The following ESRRG variants were observed in gnomAD, a reference collection of about 807,000 sequenced individuals.
ESRRG encodes the protein estrogen-related receptor gamma.
In ESRRG, 13 loss-of-function variants were observed where a neutral mutation model predicts 44.0. The ratio of observed to expected loss-of-function variants is 0.30; its 90% CI spans 0.19 to 0.47. The LOEUF (loss-of-function observed/expected upper bound fraction) is 0.47, where lower values mean the gene tolerates loss of function less well. Ranked by LOEUF, ESRRG falls within the 20% of genes least tolerant of loss-of-function variation. The pLI is 1.00. For synonymous variants in ESRRG, 215 were observed against 214.6 expected (o/e 1.00, Z -0.02); for missense variants, 395 against 580.6 (o/e 0.68, Z 3.29).
intron 2 of ESRRG, among the ~76,000 whole-genome samples, chr1:216,887,050 T>C (rs1009168682): frequency 6.6e-6 from 1 of 152,138 alleles, no homozygotes; most frequent in African/African-American, 2.4e-5. Context: ...TTATAACAAC[T>C]GCTTTCATTC....
intron 2 of ESRRG, among the ~76,000 whole-genome samples, chr1:216,733,083 C>CA (rs2089193852): frequency 6.6e-6 from 1 of 150,642 alleles, no homozygotes; most frequent in Non-Finnish European, 1.5e-5. Flanking sequence ...AAAAAAAATT[C>CA]AACTTTAAAA....
chr1:216,821,233 G>C (rs7554053), intron 2 of ESRRG, among the ~76,000 whole-genome samples: 1 of 152,050 alleles, frequency 6.6e-6, no homozygotes, highest in Non-Finnish European at 1.5e-5. Flanking sequence ...TCACTAGGAC[G>C]TGCAGTTTCC....
At chr1:216,711,643 A>G (rs2083621749) in intron 1 of ESRRG, among the ~76,000 whole-genome samples, 2 of 152,184 alleles carry the variant, frequency 1.3e-5, no homozygotes, top group East Asian at 3.9e-4. Flanking sequence ...ACCGCAGAAG[A>G]CATATCAGAT....
chr1:216,582,266 T>TGTTTTGAG (rs945190287), intron 3 of ESRRG, among the ~76,000 whole-genome samples: 1 of 152,190 alleles, frequency 6.6e-6, no homozygotes, highest in Non-Finnish European at 1.5e-5. Flanking sequence ...AAAGCTGACC[T>TGTTTTGAG]GTTTTGGTCC....
At chr1:216,662,353 C>T (rs1447565385) in intron 2 of ESRRG, among the ~76,000 whole-genome samples, 1 of 152,004 alleles carries the variant, frequency 6.6e-6, no homozygotes, top group African/African-American at 2.4e-5. Context: ...AAGAGTATGC[C>T]ATGGACTCAG....
intron 5 of ESRRG, among the ~76,000 whole-genome samples, chr1:216,542,428 G>C (rs2053171320): frequency 6.6e-6 from 1 of 151,924 alleles, no homozygotes; most frequent in South Asian, 2.1e-4. Context: ...AATAATGAAA[G>C]AGAGAGCCAC....
chr1:216,686,021 ACAAT>A, intron 1 of ESRRG: 1 of 152,364 alleles, frequency 6.6e-6, no homozygotes, highest in East Asian at 1.9e-4. Context: ...GATGTGCAGC[ACAAT>A]CAGAGATAAT....
At chr1:216,955,180 C>G (rs75544141) in intron 1 of ESRRG, among the ~76,000 whole-genome samples, 1 of 152,084 alleles carries the variant, frequency 6.6e-6, no homozygotes, top group Admixed American at 6.5e-5. Flanking sequence ...GTTAACCAAC[C>G]TCTCCCATCC....
intron 2 of ESRRG, among the ~76,000 whole-genome samples, chr1:216,756,190 G>A (rs2092434553): frequency 6.6e-6 from 1 of 151,786 alleles, no homozygotes; most frequent in Admixed American, 6.6e-5. Flanking sequence ...GAAAGCCCTG[G>A]CATTCAATAA....
rs567033005 is a variant in ESRRG, at chr1:216,729,239, C to T, written c.-13-51748G>A. Among the ~76,000 whole-genome samples the T allele has an allele frequency of 3.7e-4, 56 of 152,324 alleles. 1 individual carries two copies. Among genetic ancestry groups the T allele is most frequent in the Admixed American group, 1.4e-3 (21 of 15,304 alleles). ...ATCCCGTGCGCTGAGGAAATTTTGG[C>T]TTGTGCCAGTTGTCCTAGCATAACA... On this transcript the variant is annotated intron_variant, in intron 2 of 7. Transcript: ENST00000359162.
chr1:216,802,566 G>A (rs557201594), intron 2 of ESRRG, among the ~76,000 whole-genome samples: 15 of 152,264 alleles, frequency 9.9e-5, no homozygotes, highest in African/African-American at 3.4e-4. Context: ...ACATTATTCA[G>A]AATTTCAAGA....
At chr1:216,955,291 T>C (rs1316362939) in intron 1 of ESRRG, among the ~76,000 whole-genome samples, 2 of 152,130 alleles carry the variant, frequency 1.3e-5, no homozygotes, top group African/African-American at 2.4e-5. Context: ...ACATCCAGGG[T>C]ATTTCTTTTC....
At chr1:217,134,730 G>GC (rs1485985495) in intron 1 of ESRRG, among the ~76,000 whole-genome samples, 31 of 152,336 alleles carry the variant, frequency 2.0e-4, no homozygotes, top group Admixed American at 5.2e-4. Flanking sequence ...CGTTTCTCTT[G>GC]CTCCGGGCTG....
At chr1:216,905,940 AGGG>A (rs2059634930) in intron 2 of ESRRG, among the ~76,000 whole-genome samples, 1 of 152,152 alleles carries the variant, frequency 6.6e-6, no homozygotes, top group Non-Finnish European at 1.5e-5. Context: ...TAGTAAATAC[AGGG>A]TTTCACCATA....
At chr1:216,524,593 A>G (rs2047091151) in intron 5 of ESRRG, among the ~76,000 whole-genome samples, 1 of 152,094 alleles carries the variant, frequency 6.6e-6, no homozygotes, top group Non-Finnish European at 1.5e-5. Flanking sequence ...AATTGACAAA[A>G]ATGGAAAATA....
At chr1:216,607,299 T>C (rs1017706173) in intron 3 of ESRRG, among the ~76,000 whole-genome samples, 3 of 152,118 alleles carry the variant, frequency 2.0e-5, no homozygotes, top group Non-Finnish European at 4.4e-5. Flanking sequence ...CTGACAATAG[T>C]ACAGGTTTGA....
At chr1:216,594,457 T>C (rs2058147846) in intron 3 of ESRRG, among the ~76,000 whole-genome samples, 1 of 152,188 alleles carries the variant, frequency 6.6e-6, no homozygotes, top group East Asian at 1.9e-4. Flanking sequence ...CCCTATTGCA[T>C]GGCCAGGGAT....
rs539801092 is a variant in ESRRG at position 217,070,186 on chromosome 1, GT to G, written c.-106+19320del. On this transcript the variant is annotated intron_variant, in intron 1 of 7. Transcript: ENST00000359162. ...GATCTTAGGGAAACTACATAACTCA[GT>G]TTCTTCATCTGTAAAATTAGGAAGA... Among the ~76,000 whole-genome samples the G allele has an allele frequency of 3.7e-3, 564 of 152,166 alleles. 5 individuals carry two copies. Among genetic ancestry groups the G allele is most frequent in the African/African-American group, 0.013 (541 of 41,500 alleles).
chr1:216,787,113 TG>T (rs1277297720), intron 2 of ESRRG, among the ~76,000 whole-genome samples: 2 of 152,136 alleles, frequency 1.3e-5, no homozygotes, highest in Non-Finnish European at 2.9e-5. Context: ...AGGTGATCTG[TG>T]ATCGGTGATC....
Sources: gnomAD v4.1 joint callset for allele counts (sites outside exome capture counted in the v4.1 genomes callset) on GRCh38, gnomAD v4.1.1 for gene constraint, MANE v1.5 for transcripts, NCBI Gene and HGNC (gene_info 2026-07-23, HGNC 2026-07-21) for gene names.